PTPN14: variants seen among roughly 807,000 people sequenced by gnomAD.
PTPN14 encodes the protein tyrosine-protein phosphatase non-receptor type 14.
A neutral mutation model predicts 126.8 loss-of-function variants in PTPN14; 53 were observed. That is an observed-to-expected ratio of 0.42 (90% CI 0.34 to 0.53). PTPN14 has a LOEUF of 0.53. Ranked by LOEUF, PTPN14 falls within the 20% of genes least tolerant of loss-of-function variation. The pLI, the probability that PTPN14 is intolerant of heterozygous loss-of-function variation, is 0.08. For missense variants in PTPN14, 1,257 were observed against 1,552.9 expected (o/e 0.81, Z 3.20); for synonymous variants, 630 against 599.3 (o/e 1.05, Z -0.75).
In PTPN14 at chr1:214,445,838, T is replaced by C. The variant is rs376791550; in HGVS notation, c.344+5967A>G. On this transcript the variant is annotated intron_variant, in intron 3 of 18. Coordinates refer to ENST00000366956, the MANE Select transcript of PTPN14 (RefSeq NM_005401.5). ...GAATTTATCCACCTCTCAGAAGCCATCTTTTTTCTTTCCGTGTCCAGAAAA... is the reference window on the plus strand; with the variant it reads ...GAATTTATCCACCTCTCAGAAGCCACCTTTTTTCTTTCCGTGTCCAGAAAA... Among the ~76,000 whole-genome samples the C allele has an allele frequency of 1.7e-4, 26 of 152,328 alleles. 1 individual carries two copies. In the South Asian group the frequency reaches 5.2e-3, roughly 30 times the overall value.
At chr1:214,480,923 G>GC (rs2102674633) in intron 1 of PTPN14, among the ~76,000 whole-genome samples, 1 of 152,266 alleles carries the variant, frequency 6.6e-6, no homozygotes, top group African/African-American at 2.4e-5. Context: ...CAGATATGCT[G>GC]GGCGGCTGGG....
chr1:214,369,376 C>T, intron 17 of PTPN14, 81 bp downstream of exon 17: 16 of 1,333,282 alleles, frequency 1.2e-5, no homozygotes, highest in South Asian at 3.7e-5. Flanking sequence ...TCCTCTTTTT[C>T]CATTTCATCT....
At chr1:214,380,814 T>C (rs1288721693) in intron 13 of PTPN14, among the ~76,000 whole-genome samples, 6 of 152,170 alleles carry the variant, frequency 3.9e-5, no homozygotes, top group Non-Finnish European at 8.8e-5. Context: ...GGGTGAGTTT[T>C]TGCATTAAAA....
At chr1:214,520,450 T>C (rs573476096) in intron 1 of PTPN14, among the ~76,000 whole-genome samples, 23 of 152,116 alleles carry the variant, frequency 1.5e-4, no homozygotes, top group Non-Finnish European at 2.9e-4. Flanking sequence ...GAAGTTTTGA[T>C]TCAAGAAAGT....
chr1:214,550,800 C>A (rs1343242719), intron 1 of PTPN14, among the ~76,000 whole-genome samples: 4 of 152,290 alleles, frequency 2.6e-5, no homozygotes, highest in African/African-American at 9.6e-5. Context: ...GCAGCGACCG[C>A]GACGTCGTTC....
intron 5 of PTPN14, among the ~76,000 whole-genome samples, chr1:214,409,508 A>G (rs551505393): frequency 6.6e-6 from 1 of 152,336 alleles, no homozygotes; most frequent in Non-Finnish European, 1.5e-5. Context: ...GGCAATTATG[A>G]ATAATGTGGC....
At chr1:214,535,311 A>G (rs1361242865) in intron 1 of PTPN14, among the ~76,000 whole-genome samples, 2 of 152,130 alleles carry the variant, frequency 1.3e-5, no homozygotes, top group Non-Finnish European at 2.9e-5. Flanking sequence ...TCTATCCAAC[A>G]CGCTTTGTCT....
At chr1:214,418,468 T>G (rs1454619779) in intron 3 of PTPN14, among the ~76,000 whole-genome samples, 1 of 152,202 alleles carries the variant, frequency 6.6e-6, no homozygotes, top group Non-Finnish European at 1.5e-5. Context: ...TAATACTGCT[T>G]CCTTAAAGAC....
intron 3 of PTPN14, among the ~76,000 whole-genome samples, chr1:214,415,762 G>A (rs1293925705): frequency 6.6e-6 from 1 of 152,138 alleles, no homozygotes; most frequent in Non-Finnish European, 1.5e-5. Context: ...GCATGCTCCA[G>A]TAGAGTCCTT....
chr1:214,378,833 T>C (rs1658406504), intron 13 of PTPN14, among the ~76,000 whole-genome samples: 1 of 150,810 alleles, frequency 6.6e-6, no homozygotes. Context: ...TGGTGGGACA[T>C]CACTGCATGC....
intron 13 of PTPN14, among the ~76,000 whole-genome samples, chr1:214,380,802 T>C (rs61821367): frequency 0.05 from 7,552 of 152,270 alleles, 254 homozygotes; most frequent in South Asian, 0.21. Context: ...GCTTAGGCTA[T>C]GGGGTGAGTT....
At chr1:214,462,373 C>T (rs1660532528) in intron 2 of PTPN14, among the ~76,000 whole-genome samples, 1 of 152,212 alleles carries the variant, frequency 6.6e-6, no homozygotes. Flanking sequence ...ACACACCTCC[C>T]ACCATTTGTT....
chr1:214,386,723 T>C, intron 12 of PTPN14, 121 bp downstream of exon 12: 2 of 1,080,400 alleles, frequency 1.9e-6, no homozygotes, highest in Non-Finnish European at 2.7e-6. Flanking sequence ...GCTACTGTCA[T>C]TCAGACGATG....
chr1:214,520,001 T>C (rs1460067316), intron 1 of PTPN14, among the ~76,000 whole-genome samples: 1 of 139,892 alleles, frequency 7.1e-6, no homozygotes. Flanking sequence ...TAAGCTATGA[T>C]CATGCCACTG....
chr1:214,516,861 T>C (rs886253428), intron 1 of PTPN14, among the ~76,000 whole-genome samples: 85 of 152,098 alleles, frequency 5.6e-4, no homozygotes, highest in African/African-American at 1.9e-3. Context: ...CCCCACTTGA[T>C]AGCAATTCCT....
At position 214,364,805 on chromosome 1, in the gene PTPN14, G is replaced by GTGTT; in HGVS notation, c.3272-131_3272-130insAACA. 1.2e-6 allele frequency: 1 copy of GTGTT among 830,428 alleles called. No individual in the cohort carries two copies. The highest frequency in any genetic ancestry group is 3.0e-5 in the Admixed American group (1 of 32,976). The allele number at this position is 830,428 out of a possible 1,614,324, so 51.4% of individuals were successfully genotyped here. A position where few individuals can be genotyped will look rare whatever the true frequency, so the allele number is the denominator to read the frequency against. ...TGTGTGTGTGTGTGTGTGTGTGTGT[G>GTGTT]TTTTAAGTGACAATAATTTATAGTT... On this transcript the variant is annotated intron_variant, in intron 17 of 18. Transcript: ENST00000366956. This position sits in a 1 kb window ranked among gnomAD's most constrained non-coding sequence, Gnocchi z 4.1.
chr1:214,526,577 A>C (rs1325260101), intron 1 of PTPN14, among the ~76,000 whole-genome samples: 2 of 152,112 alleles, frequency 1.3e-5, no homozygotes, highest in Non-Finnish European at 2.9e-5. Flanking sequence ...AGAAAAAAAA[A>C]CAGTTCTTAG....
chr1:214,457,605 T>C (rs4571940), intron 2 of PTPN14, among the ~76,000 whole-genome samples: 125,019 of 152,164 alleles, frequency 0.82, 51,491 homozygotes, highest in African/African-American at 0.89. Flanking sequence ...AAATGCCCCC[T>C]TTGCGTTTCT....
chr1:214,433,191 G>A (rs1045915330), intron 3 of PTPN14, among the ~76,000 whole-genome samples: 6 of 151,852 alleles, frequency 4.0e-5, no homozygotes, highest in Admixed American at 2.6e-4. Flanking sequence ...GTGTGAGCCC[G>A]GCCTCACTTT....
Sources: allele counts gnomAD v4.1 joint callset (sites outside exome capture counted in the v4.1 genomes callset), GRCh38; gene constraint gnomAD v4.1.1; non-coding constraint Gnocchi (gnomAD v3.1); transcripts MANE v1.5; gene names NCBI Gene and HGNC (gene_info 2026-07-23, HGNC 2026-07-21).